TENM1: variants seen among roughly 807,000 people sequenced by gnomAD.
TENM1 encodes the protein teneurin transmembrane protein 1, also known as teneurin-1.
A neutral mutation model predicts 174.8 loss-of-function variants in TENM1; 35 were observed. The ratio of observed to expected loss-of-function variants is 0.20; its 90% CI spans 0.15 to 0.27. The LOEUF (loss-of-function observed/expected upper bound fraction) is 0.27, where lower values mean the gene tolerates loss of function less well. Among genes scored for constraint, TENM1 ranks in the 10% least tolerant of loss-of-function variants. TENM1 has a pLI of 1.00. For missense variants in TENM1, 1,633 were observed against 2,130.1 expected (o/e 0.77, Z 4.59); for synonymous variants, 781 against 798.7 (o/e 0.98, Z 0.37).
intron 26 of TENM1, among the ~76,000 whole-genome samples, chrX:124,405,706 CTCTTAGAGTG>C (rs1465945248): frequency 9.1e-6 from 1 of 110,188 alleles, no homozygotes; most frequent in Admixed American, 9.7e-5. Flanking sequence ...AGTTAGTGTA[CTCTTAGAGTG>C]TCTGGTGTCA....
chrX:124,673,005 T>C (rs1278864393), intron 5 of TENM1, among the ~76,000 whole-genome samples: 1 of 112,011 alleles, frequency 8.9e-6, no homozygotes, highest in Non-Finnish European at 1.9e-5. Context: ...ACAATGAACA[T>C]GTGTAACATT....
intron 11 of TENM1, among the ~76,000 whole-genome samples, chrX:124,583,121 A>T (rs1819781904): frequency 9.0e-6 from 1 of 111,492 alleles, no homozygotes; most frequent in Non-Finnish European, 1.9e-5. Context: ...AGACAAACAA[A>T]AAGACAGCAG....
intron 1 of TENM1, among the ~76,000 whole-genome samples, chrX:124,935,966 C>T (rs777359617): frequency 1.8e-5 from 2 of 111,701 alleles, no homozygotes; most frequent in Non-Finnish European, 3.8e-5. Flanking sequence ...CCACTTGCCT[C>T]TAGCTTCACC....
At chrX:124,474,462 T>C (rs1249225454) in intron 22 of TENM1, among the ~76,000 whole-genome samples, 1 of 111,876 alleles carries the variant, frequency 8.9e-6, no homozygotes, top group Non-Finnish European at 1.9e-5. Flanking sequence ...ATATTACCTC[T>C]GTGCTTGCTA....
chrX:124,914,482 G>C (rs1309935011), intron 1 of TENM1, among the ~76,000 whole-genome samples: 1 of 111,494 alleles, frequency 9.0e-6, no homozygotes, highest in Non-Finnish European at 1.9e-5. Flanking sequence ...CTGTTGTCCA[G>C]GTTGTATATC....
At chrX:124,626,373 C>T (rs940694826) in intron 11 of TENM1, among the ~76,000 whole-genome samples, 2 of 111,268 alleles carry the variant, frequency 1.8e-5, no homozygotes, top group Admixed American at 9.6e-5. Context: ...TGTTCTCATA[C>T]GATCTTGTTT....
intron 11 of TENM1, among the ~76,000 whole-genome samples, chrX:124,579,381 C>A: frequency 0.016 from 1 of 63 alleles, no homozygotes; most frequent in East Asian, 0.5. Context: ...GAATCACCTT[C>A]TTTTCATGCT....
chrX:124,489,771 C>G (rs1226117675), intron 20 of TENM1, among the ~76,000 whole-genome samples: 1 of 111,757 alleles, frequency 8.9e-6, no homozygotes, highest in Non-Finnish European at 1.9e-5. Flanking sequence ...GTGGTGGCTG[C>G]AGCCCTTTAC....
At chrX:124,793,176 G>A (rs1184187665) in intron 3 of TENM1, among the ~76,000 whole-genome samples, 1 of 111,407 alleles carries the variant, frequency 9.0e-6, no homozygotes, top group Non-Finnish European at 1.9e-5. Context: ...AAGAGTGTGA[G>A]ATGTCAGACC....
the TENM1 span, among the ~76,000 whole-genome samples, chrX:125,055,898 C>T: frequency 7.2e-5 from 8 of 111,748 alleles, no homozygotes; most frequent in Admixed American, 3.8e-4. Flanking sequence ...ATTTTCAGGA[C>T]GCTTATTAAC....
chrX:124,849,021 C>T (rs991616078), intron 3 of TENM1, among the ~76,000 whole-genome samples: 11 of 110,902 alleles, frequency 9.9e-5, no homozygotes, highest in South Asian at 3.8e-4. Flanking sequence ...GTGTTACTTA[C>T]GTAATTAATA....
At chrX:124,991,178 T>G in the TENM1 span, among the ~76,000 whole-genome samples, 1 of 110,867 alleles carries the variant, frequency 9.0e-6, no homozygotes, top group African/African-American at 3.3e-5. Flanking sequence ...AAGGCAAAGG[T>G]AGATTTTACT....
At chrX:124,714,964 T>C (rs894285649) in intron 4 of TENM1, among the ~76,000 whole-genome samples, 2 of 112,046 alleles carry the variant, frequency 1.8e-5, no homozygotes, top group East Asian at 5.6e-4. Flanking sequence ...TAATTTAAAA[T>C]TTGATATTAA....
chrX:125,131,905 G>A, the TENM1 span, among the ~76,000 whole-genome samples: 1 of 111,847 alleles, frequency 8.9e-6, no homozygotes, highest in Non-Finnish European at 1.9e-5. Context: ...TTGCATTAAA[G>A]CGGCCAACAT....
chrX:125,102,613 A>G, the TENM1 span, among the ~76,000 whole-genome samples: 1 of 112,201 alleles, frequency 8.9e-6, no homozygotes, highest in Non-Finnish European at 1.9e-5. Context: ...CAAAAACAGG[A>G]AAATCAAACC....
chrX:124,765,685 A>C (rs374310516), intron 3 of TENM1, among the ~76,000 whole-genome samples: 2 of 112,379 alleles, frequency 1.8e-5, no homozygotes, highest in East Asian at 5.6e-4. Flanking sequence ...CCAAAGGCTA[A>C]CTTCAGCAGC....
At chrX:125,121,042 G>T in the TENM1 span, among the ~76,000 whole-genome samples, 9 of 111,580 alleles carry the variant, frequency 8.1e-5, no homozygotes, top group African/African-American at 2.9e-4. Flanking sequence ...TTTCTTAATA[G>T]ATATTCTTTA....
chrX:124,492,529 G>T (rs1163329857), intron 20 of TENM1, among the ~76,000 whole-genome samples: 1 of 109,590 alleles, frequency 9.1e-6, no homozygotes, highest in African/African-American at 3.3e-5. Flanking sequence ...AATCTAATAA[G>T]AGCTATATTA....
chrX:124,459,938 C>G (rs181678143), intron 22 of TENM1, among the ~76,000 whole-genome samples: 28 of 112,059 alleles, frequency 2.5e-4, no homozygotes, highest in Non-Finnish European at 4.5e-4. Flanking sequence ...AAACACTTCT[C>G]AAAAGAAGAC....
Sources: allele counts gnomAD v4.1 joint callset (sites outside exome capture counted in the v4.1 genomes callset), GRCh38; gene constraint gnomAD v4.1.1; transcripts MANE v1.5; gene names NCBI Gene and HGNC (gene_info 2026-07-23, HGNC 2026-07-21).